The following RGS3 variants were observed in gnomAD, a reference collection of about 807,000 sequenced individuals.
RGS3 encodes the protein regulator of G-protein signalling 3.
Under a neutral mutation model 132.6 loss-of-function variants are expected in RGS3, and 80 were observed. The observed-to-expected ratio is 0.60, with a 90% confidence interval of 0.50 to 0.73. RGS3 has a LOEUF of 0.73. RGS3 is among the 30% of genes least tolerant of loss of function. The pLI, the probability that RGS3 is intolerant of heterozygous loss-of-function variation, is 0.00. For synonymous variants in RGS3, 598 were observed against 620.6 expected, an observed-to-expected ratio of 0.96 and a Z score of 0.54; for missense variants, 1,382 against 1,530.8, an observed-to-expected ratio of 0.90 and a Z score of 1.62.
chr9:113,568,524 G>A (rs918176470), intron 19 of RGS3, among the ~76,000 whole-genome samples: 8 of 152,214 alleles, frequency 5.3e-5, no homozygotes, highest in Admixed American at 1.3e-4. Context: ...TTTGCAGGCC[G>A]TCTCCTCTTC....
At chr9:113,526,586 C>T (rs1168596331) in intron 17 of RGS3, among the ~76,000 whole-genome samples, 6 of 152,160 alleles carry the variant, frequency 3.9e-5, no homozygotes, top group Non-Finnish European at 8.8e-5. Flanking sequence ...GGGGACAATA[C>T]CCCTTCTGCT....
intron 7 of RGS3, among the ~76,000 whole-genome samples, chr9:113,493,016 G>T (rs1830569918): frequency 6.6e-6 from 1 of 152,228 alleles, no homozygotes. Context: ...GAAAGTTTCA[G>T]CCCTACCCAG....
intron 19 of RGS3, chr9:113,541,335 G>A (rs151236500): frequency 3.2e-5 from 52 of 1,613,346 alleles, no homozygotes; most frequent in African/African-American, 1.2e-4. Flanking sequence ...CCACCCTTTC[G>A]GCTCTCTCCA....
rs559659319 is a variant in RGS3, at chr9:113,545,442, C to T, written c.2037+8524C>T. Among the ~76,000 whole-genome samples the T allele has an allele frequency of 2.0e-5, 3 of 152,310 alleles. No individual in the cohort carries two copies. The East Asian group carries it at 5.8e-4, about 29-fold the overall frequency. ...CCATCTCCCCTAAGAGATGCAGACTCTTCTCCCTAAAAACTGTTTCCAGGC... is the reference window on the plus strand; with the variant it reads ...CCATCTCCCCTAAGAGATGCAGACTTTTCTCCCTAAAAACTGTTTCCAGGC... On this transcript the variant is annotated intron_variant, in intron 19 of 24. Coordinates refer to ENST00000350696, the Ensembl canonical transcript of RGS3.
At chr9:113,464,029 G>GT in intron 3 of RGS3, 148 bp downstream of exon 1, 1 of 809,904 alleles carries the variant, frequency 1.2e-6, no homozygotes, top group Non-Finnish European at 1.9e-6. Context: ...TCCTGTGACT[G>GT]CCCAGGAGGG....
At chr9:113,453,196 A>G (rs1162096063) in intron 1 of RGS3, among the ~76,000 whole-genome samples, 1 of 121,636 alleles carries the variant, frequency 8.2e-6, no homozygotes, top group African/African-American at 3.1e-5. Context: ...ATATGATTAC[A>G]TAATATACTC....
At position 113,565,100 on chromosome 9, in the gene RGS3, G is replaced by A. The variant is rs1833935306; in HGVS notation, c.2038-18350G>A. 1.2e-5 allele frequency: 14 copies of A among 1,161,968 alleles called. No homozygotes were observed. The highest frequency in any genetic ancestry group is 7.8e-5 in the Admixed American group (2 of 25,764). The allele number at this position is 1,161,968 out of a possible 1,614,324, so 72.0% of individuals were successfully genotyped here. ...TGTGAGGGATGGACGCCTCTCCCCC[G>A]GAGCAGCACTTTGGGGCCAGCTTGG... On this transcript the variant is annotated intron_variant, in intron 19 of 24. Transcript: ENST00000350696. The surrounding 1 kb of genome is among the most constrained non-coding windows in gnomAD (Gnocchi z 5.7).
intron 14 of RGS3, among the ~76,000 whole-genome samples, chr9:113,512,710 C>T (rs566745000): frequency 2.0e-5 from 3 of 152,292 alleles, no homozygotes; most frequent in South Asian, 4.1e-4. Flanking sequence ...CACCCAGGAC[C>T]CAGGCTGGGC....
At chr9:113,465,439 CTGTGTGTGTG>C (rs3221187) in intron 3 of RGS3, among the ~76,000 whole-genome samples, 64 of 135,408 alleles carry the variant, frequency 4.7e-4, no homozygotes, top group Non-Finnish European at 8.4e-4. Context: ...ACACCTATTT[CTGTGTGTGTG>C]TGTGTGTGTG....
intron 6 of RGS3, among the ~76,000 whole-genome samples, chr9:113,485,054 T>G (rs1021808983): frequency 6.6e-6 from 1 of 151,764 alleles, no homozygotes; most frequent in Non-Finnish European, 1.5e-5. Flanking sequence ...TTTGCATGTG[T>G]GTGTGTATAT....
chr9:113,447,265 G>GAAA (rs60192215), intron 1 of RGS3, among the ~76,000 whole-genome samples: 14 of 53,410 alleles, frequency 2.6e-4, no homozygotes, highest in African/African-American at 6.7e-4. Flanking sequence ...CTGTCTCAAA[G>GAAA]AAAAAAAAAA....
exon 2 of RGS3, chr9:113,461,846 C>G (rs762318437): frequency 6.2e-7 from 1 of 1,613,492 alleles, no homozygotes; most frequent in Non-Finnish European, 8.5e-7. Flanking sequence ...TGGTCCCTGG[C>G]GAAGTTGTGA....
At chr9:113,544,425 AT>A (rs1276802142) in intron 19 of RGS3, among the ~76,000 whole-genome samples, 19 of 151,834 alleles carry the variant, frequency 1.3e-4, no homozygotes, top group African/African-American at 4.6e-4. Context: ...GGGTTGGGAC[AT>A]TGCAGACCTT....
intron 19 of RGS3, among the ~76,000 whole-genome samples, chr9:113,566,347 G>T (rs1019635595): frequency 6.6e-6 from 1 of 152,224 alleles, no homozygotes; most frequent in Non-Finnish European, 1.5e-5. Context: ...CAGGCAGGGG[G>T]TGGTGGTAGA....
At chr9:113,556,042 T>C (rs773270952) in intron 19 of RGS3, among the ~76,000 whole-genome samples, 1 of 152,208 alleles carries the variant, frequency 6.6e-6, no homozygotes, top group African/African-American at 2.4e-5. Flanking sequence ...GTTTGAGTCA[T>C]AGTTTGCTTG....
Position 113,507,140 on chromosome 9 carries a change from C to A in RGS3, c.1086-147C>A. 1 of 643,742 alleles carries A rather than the reference C, an allele frequency of 1.6e-6. No homozygotes were observed. The highest frequency in any genetic ancestry group is 2.7e-6 in the Non-Finnish European group (1 of 375,262). 39.9% of individuals were successfully genotyped at this position (643,742 alleles called of 1,614,324 possible). On this transcript the variant is annotated intron_variant, in intron 12 of 24. Transcript: ENST00000350696. This position sits in a 1 kb window ranked among gnomAD's most constrained non-coding sequence, Gnocchi z 5.0. The stretch of plus-strand genomic sequence containing the variant: ...TGTCTCTTCTTTAAATGGCTTCTTG[C>A]ATCCCTTCCTGCCCTGACACTGGGG...
upstream of RGS3, among the ~76,000 whole-genome samples, chr9:113,456,369 C>A (rs553062705): frequency 8.4e-4 from 128 of 152,352 alleles, 2 homozygotes; most frequent in South Asian, 0.011. Flanking sequence ...TTAGCAGGCT[C>A]ACAGTTGAAC....
At chr9:113,543,744 G>T (rs967217339) in intron 19 of RGS3, among the ~76,000 whole-genome samples, 1 of 152,236 alleles carries the variant, frequency 6.6e-6, no homozygotes, top group Non-Finnish European at 1.5e-5. Flanking sequence ...GAAATGGACA[G>T]TCTGAATGCA....
chr9:113,493,866 G>T (rs935939529), intron 7 of RGS3, among the ~76,000 whole-genome samples: 19 of 152,078 alleles, frequency 1.2e-4, no homozygotes, highest in Admixed American at 7.9e-4. Context: ...TCTAGCTCAG[G>T]CCCCCTTAGA....
Sources: allele counts gnomAD v4.1 joint callset (sites outside exome capture counted in the v4.1 genomes callset), GRCh38; gene constraint gnomAD v4.1.1; non-coding constraint Gnocchi (gnomAD v3.1); transcripts MANE v1.5; gene names NCBI Gene and HGNC (gene_info 2026-07-23, HGNC 2026-07-21).